APBA2: variants seen among roughly 807,000 people sequenced by gnomAD.
The protein encoded by APBA2 is amyloid beta precursor protein binding family A member 2, also known as amyloid-beta A4 precursor protein-binding family A member 2.
In APBA2, 30 loss-of-function variants were observed where a neutral mutation model predicts 75.0. That is an observed-to-expected ratio of 0.40 (90% CI 0.30 to 0.54). The LOEUF (loss-of-function observed/expected upper bound fraction) is 0.54. Among genes scored for constraint, APBA2 ranks in the 20% least tolerant of loss-of-function variants. The probability of loss-of-function intolerance (pLI) is 0.49; values close to 1 mark genes in which losing one functional copy is unlikely to be tolerated. For synonymous variants in APBA2, 444 were observed against 409.6 expected, an observed-to-expected ratio of 1.08 and a Z score of -1.01; for missense variants, 801 against 1,016.1, an observed-to-expected ratio of 0.79 and a Z score of 2.88.
intron 3 of APBA2, among the ~76,000 whole-genome samples, chr15:29,001,841 G>T (rs914193587): frequency 1.3e-5 from 2 of 152,142 alleles, no homozygotes; most frequent in African/African-American, 4.8e-5. Context: ...TAAGAAAGTA[G>T]CACGAGGAAC....
intron 3 of APBA2, among the ~76,000 whole-genome samples, chr15:29,023,083 G>T (rs538792632): frequency 6.6e-6 from 1 of 152,014 alleles, no homozygotes; most frequent in African/African-American, 2.4e-5. Context: ...CTAATAATTC[G>T]TCCGTTGATT....
At chr15:28,964,405 T>A (rs1034917812) in intron 2 of APBA2, among the ~76,000 whole-genome samples, 2 of 152,214 alleles carry the variant, frequency 1.3e-5, no homozygotes, top group Non-Finnish European at 2.9e-5. Context: ...TTCTGATGCC[T>A]AATAATGTTG....
chr15:29,075,781 T>G (rs796071982), intron 5 of APBA2, among the ~76,000 whole-genome samples: 8 of 152,264 alleles, frequency 5.3e-5, no homozygotes, highest in African/African-American at 1.9e-4. Context: ...GGAGCGTCAT[T>G]GTGTTGGATG....
At chr15:29,093,433 A>T (rs1695364161) in intron 7 of APBA2, among the ~76,000 whole-genome samples, 1 of 152,218 alleles carries the variant, frequency 6.6e-6, no homozygotes, top group African/African-American at 2.4e-5. Flanking sequence ...GCTCCTTAAC[A>T]AGAGGCCCAC....
chr15:28,893,765 C>T (rs969322616), intron 1 of APBA2: 9 of 152,188 alleles, frequency 5.9e-5, no homozygotes, highest in African/African-American at 1.9e-4. Context: ...AGAGCAGAAG[C>T]CCCTCCAGAC....
intron 2 of APBA2, among the ~76,000 whole-genome samples, chr15:28,977,774 G>T (rs115456163): frequency 0.013 from 1,970 of 152,184 alleles, 58 homozygotes; most frequent in African/African-American, 0.045. Context: ...TTTCCAGAAG[G>T]TACCTCATTG....
In APBA2 at chr15:29,117,327, G is replaced by C. The variant is rs144783392; in HGVS notation, c.*194G>C. On this transcript the variant is annotated 3_prime_UTR_variant, in exon 15 of 15. Transcript: ENST00000683413. ...AAAGGGGTATGTCTTTATCAAAGGA[G>C]AGTCACAGAACAAATGTTTGTTTGT... 6.6e-5 allele frequency: 40 copies of C among 607,948 alleles called. No individual in the cohort carries two copies. In the African/African-American group the frequency reaches 7.2e-4, roughly 11 times the overall value. The allele number at this position is 607,948 out of a possible 1,614,324, so 37.7% of individuals were successfully genotyped here. A position where few individuals can be genotyped will look rare whatever the true frequency, so the allele number is the denominator to read the frequency against.
intron 4 of APBA2, among the ~76,000 whole-genome samples, chr15:29,065,811 A>AT (rs1385982901): frequency 6.6e-6 from 1 of 152,176 alleles, no homozygotes; most frequent in Non-Finnish European, 1.5e-5. Flanking sequence ...CCAGGCCTCC[A>AT]TCTGGTCCTG....
At chr15:28,898,667 A>G (rs913003797) in intron 1 of APBA2, among the ~76,000 whole-genome samples, 1 of 152,188 alleles carries the variant, frequency 6.6e-6, no homozygotes, top group African/African-American at 2.4e-5. Flanking sequence ...CATTTATGCT[A>G]TGGAACTTTT....
chr15:29,093,272 C>G, intron 7 of APBA2, 52 bp downstream of exon 7: 1 of 1,607,330 alleles, frequency 6.2e-7, no homozygotes, highest in Non-Finnish European at 8.5e-7. Context: ...TTGGGGGGCA[C>G]TAGCAGGAGG....
At chr15:29,009,203 C>T (rs1397225743) in intron 3 of APBA2, among the ~76,000 whole-genome samples, 1 of 152,112 alleles carries the variant, frequency 6.6e-6, no homozygotes, top group East Asian at 1.9e-4. Flanking sequence ...AAAAGACGAG[C>T]CCCTGCCCAA....
chr15:29,109,414 A>G (rs2044612751), intron 13 of APBA2, among the ~76,000 whole-genome samples: 1 of 152,112 alleles, frequency 6.6e-6, no homozygotes, highest in African/African-American at 2.4e-5. Context: ...TTGCTTATTC[A>G]TGCTGCAGTT....
chr15:29,005,246 A>T (rs535686624), intron 3 of APBA2, among the ~76,000 whole-genome samples: 1 of 152,200 alleles, frequency 6.6e-6, no homozygotes, highest in East Asian at 1.9e-4. Context: ...TATCTGGACA[A>T]TGGGAATAAT....
intron 8 of APBA2, among the ~76,000 whole-genome samples, chr15:29,098,077 G>A (rs1177885282): frequency 6.6e-6 from 1 of 152,200 alleles, no homozygotes; most frequent in Non-Finnish European, 1.5e-5. Context: ...TTGATCCCAT[G>A]TCTTGGCTGT....
rs112498796 is a variant in APBA2 at position 29,105,483 on chromosome 15, C to T, written c.1629C>T (p.Tyr543=). The change falls in exon 11 of 15, where the codon TAC becomes TAT. Residue 543 remains tyrosine (Y), a synonymous_variant. Transcript: ENST00000683413. The stretch of plus-strand genomic sequence containing the variant: ...CCGAAGACTTGAGCCAGAAGGAATA[C>T]AGCGACATCATCAACACCCAGGAGA... ...INPEDLSQKE[Y]SDIINTQEMY... is the part of the protein sequence containing the mutation. 12 of 1,613,938 alleles carry T rather than the reference C, an allele frequency of 7.4e-6. No individual in the cohort carries two copies. In the African/African-American group the frequency reaches 9.3e-5, roughly 13 times the overall value.
At chr15:28,963,806 A>C (rs150980032) in intron 2 of APBA2, among the ~76,000 whole-genome samples, 1 of 152,244 alleles carries the variant, frequency 6.6e-6, no homozygotes, top group Admixed American at 6.5e-5. Context: ...AACATTATGC[A>C]TAACGATAGT....
At chr15:29,069,382 G>A (rs1169344006) in intron 4 of APBA2, among the ~76,000 whole-genome samples, 1 of 152,206 alleles carries the variant, frequency 6.6e-6, no homozygotes, top group Non-Finnish European at 1.5e-5. Context: ...CACTAGGAGT[G>A]GAATTCCTGG....
intron 1 of APBA2, among the ~76,000 whole-genome samples, chr15:28,887,282 C>T (rs1329018896): frequency 6.6e-6 from 1 of 152,218 alleles, no homozygotes; most frequent in Non-Finnish European, 1.5e-5. Flanking sequence ...CTGCCTCTGG[C>T]CTCTTCAACC....
At position 28,918,597 on chromosome 15, in the gene APBA2, G is replaced by A. The variant is rs1468913065; in HGVS notation, c.-204-3043G>A. Among the ~76,000 whole-genome samples, 1 of 150,372 alleles carries A rather than the reference G, an allele frequency of 6.7e-6. No individual in the cohort carries two copies. The highest frequency in any genetic ancestry group is 1.5e-5 in the Non-Finnish European group (1 of 67,762). The stretch of plus-strand genomic sequence containing the variant: ...CTCGGGCGGGATGTATTTTAAAGGA[G>A]TGCCTGATGCGTGTGGGTGTGGTGG... On this transcript the variant is annotated intron_variant, in intron 1 of 14. Transcript: ENST00000683413. This position sits in a 1 kb window ranked among gnomAD's most constrained non-coding sequence, Gnocchi z 4.2.
Sources: gnomAD v4.1 joint callset for allele counts (sites outside exome capture counted in the v4.1 genomes callset) on GRCh38, gnomAD v4.1.1 for gene constraint, Gnocchi (gnomAD v3.1) non-coding constraint, MANE v1.5 for transcripts, NCBI Gene and HGNC (gene_info 2026-07-23, HGNC 2026-07-21) for gene names.